CCDC149: variants seen among roughly 807,000 people sequenced by gnomAD.
CCDC149 encodes the protein coiled-coil domain-containing protein 149.
In CCDC149, 45 loss-of-function variants were observed where a neutral mutation model predicts 59.9. The ratio of observed to expected loss-of-function variants is 0.75; its 90% CI spans 0.59 to 0.96. The LOEUF (loss-of-function observed/expected upper bound fraction) is 0.96, where lower values mean the gene tolerates loss of function less well. CCDC149 is among the 40% of genes least tolerant of loss of function. The pLI is 0.00. For missense variants in CCDC149, 584 were observed against 664.7 expected, an observed-to-expected ratio of 0.88 and a Z score of 1.33; for synonymous variants, 245 against 260.6, an observed-to-expected ratio of 0.94 and a Z score of 0.58.
At chr4:24,903,800 C>CT (rs11344947) in intron 1 of CCDC149, among the ~76,000 whole-genome samples, 77 of 124,472 alleles carry the variant, frequency 6.2e-4, no homozygotes, top group South Asian at 5.7e-3. Flanking sequence ...TAATTTTTAG[C>CT]TTTTTTTTTT....
chr4:24,821,184 G>A (rs1715367198), intron 10 of CCDC149, 97 bp from the exon 11 acceptor site: 4 of 595,740 alleles, frequency 6.7e-6, no homozygotes, highest in Non-Finnish European at 9.8e-6. Context: ...AAAATTCTCG[G>A]CATTTGTTCA....
At chr4:24,975,015 C>T (rs1724113963) in intron 1 of CCDC149, among the ~76,000 whole-genome samples, 1 of 152,022 alleles carries the variant, frequency 6.6e-6, no homozygotes, top group Non-Finnish European at 1.5e-5. Flanking sequence ...GTGAGGTTTC[C>T]TTCTTTGTTA....
At chr4:24,833,339 T>C (rs1716283903) in intron 8 of CCDC149, among the ~76,000 whole-genome samples, 1 of 152,174 alleles carries the variant, frequency 6.6e-6, no homozygotes, top group Non-Finnish European at 1.5e-5. Context: ...TACAGAATTA[T>C]TTGGCCAGGT....
intron 1 of CCDC149, among the ~76,000 whole-genome samples, chr4:24,960,613 A>G (rs1723611345): frequency 1.3e-5 from 2 of 152,246 alleles, no homozygotes; most frequent in African/African-American, 4.8e-5. Context: ...GACTATACGA[A>G]TATCACATAA....
chr4:24,816,790 C>A (rs1715040123), intron 12 of CCDC149, among the ~76,000 whole-genome samples: 1 of 152,080 alleles, frequency 6.6e-6, no homozygotes, highest in African/African-American at 2.4e-5. Context: ...AAAAATATTT[C>A]CTCTAAAAGA....
chr4:24,804,046 C>A (rs1714003965), downstream of CCDC149, among the ~76,000 whole-genome samples: 2 of 152,164 alleles, frequency 1.3e-5, no homozygotes, highest in Non-Finnish European at 2.9e-5. Flanking sequence ...AAAGAAGGGA[C>A]TACATTAAAG....
chr4:24,880,290 G>A (rs546635462), intron 1 of CCDC149, among the ~76,000 whole-genome samples: 74 of 152,360 alleles, frequency 4.9e-4, no homozygotes, highest in African/African-American at 1.7e-3. Context: ...GCAACAGGCT[G>A]TACCACATAC....
chr4:24,959,648 C>T (rs192436669), intron 1 of CCDC149, among the ~76,000 whole-genome samples: 1 of 152,200 alleles, frequency 6.6e-6, no homozygotes, highest in African/African-American at 2.4e-5. Flanking sequence ...ATCCTAAAAG[C>T]AGCCAGAGAG....
At chr4:24,894,977 A>G in intron 1 of CCDC149, 1 of 1,536,144 alleles carries the variant, frequency 6.5e-7, no homozygotes, top group Non-Finnish European at 8.7e-7. Context: ...CCATGCAGGC[A>G]TGGTTTGTCA....
chr4:24,819,715 A>G (rs1227684816), intron 12 of CCDC149, 144 bp downstream of exon 12: 2 of 708,224 alleles, frequency 2.8e-6, no homozygotes, highest in Non-Finnish European at 5.1e-6. Flanking sequence ...AACCCACATA[A>G]GCAACAAGAG....
chr4:24,877,898 T>C (rs1054894698), intron 1 of CCDC149, among the ~76,000 whole-genome samples: 1 of 152,172 alleles, frequency 6.6e-6, no homozygotes, highest in Non-Finnish European at 1.5e-5. Flanking sequence ...TATTGCACCG[T>C]CTAGTATTAT....
At chr4:24,817,240 T>C (rs1053046577) in intron 12 of CCDC149, among the ~76,000 whole-genome samples, 2 of 152,104 alleles carry the variant, frequency 1.3e-5, no homozygotes, top group South Asian at 2.1e-4. Context: ...CATGTGGACA[T>C]TGGATCCTGG....
In CCDC149 at chr4:24,841,219, G is replaced by A. The variant is rs559172091; in HGVS notation, c.373-2947C>T. Among the ~76,000 whole-genome samples the A allele has an allele frequency of 4.6e-5, 7 of 152,138 alleles. No individual in the cohort carries two copies. In the East Asian group the frequency reaches 1.4e-3, roughly 29 times the overall value. ...GCTCAGGTCGTGTCTTCAAAAGCAG[G>A]GTATTTTTCTTGGTCTATAAAAAGC... is the stretch of plus-strand genomic sequence containing the variant. On this transcript the variant is annotated intron_variant, in intron 4 of 12. Transcript: ENST00000635206.
chr4:24,841,748 C>A (rs1436890488), intron 4 of CCDC149, among the ~76,000 whole-genome samples: 9 of 152,228 alleles, frequency 5.9e-5, no homozygotes, highest in Admixed American at 5.9e-4. Context: ...CAGGACTTGT[C>A]TGAACTTCTT....
chr4:24,867,427 G>C (rs1284176256), intron 3 of CCDC149, among the ~76,000 whole-genome samples: 2 of 152,216 alleles, frequency 1.3e-5, no homozygotes, highest in Non-Finnish European at 2.9e-5. Flanking sequence ...ATACCTCCCA[G>C]TGTGACCTCA....
chr4:24,851,596 T>C (rs1717661585), intron 4 of CCDC149, among the ~76,000 whole-genome samples: 1 of 151,968 alleles, frequency 6.6e-6, no homozygotes, highest in Non-Finnish European at 1.5e-5. Context: ...ATAGAAAAAA[T>C]ATGTTATCAG....
chr4:24,844,373 A>G (rs1717134897), intron 4 of CCDC149, among the ~76,000 whole-genome samples: 2 of 152,148 alleles, frequency 1.3e-5, no homozygotes, highest in African/African-American at 4.8e-5. Context: ...TCCTCTTTAC[A>G]GTAGCGAGAA....
intron 1 of CCDC149, among the ~76,000 whole-genome samples, chr4:24,949,762 G>A (rs1340735551): frequency 6.6e-6 from 1 of 152,214 alleles, no homozygotes; most frequent in Non-Finnish European, 1.5e-5. Flanking sequence ...AGCAAGAACA[G>A]TGCATTGTGG....
At chr4:24,958,610 C>T (rs573180432) in intron 1 of CCDC149, among the ~76,000 whole-genome samples, 1 of 152,192 alleles carries the variant, frequency 6.6e-6, no homozygotes, top group South Asian at 2.1e-4. Flanking sequence ...ACTCTAACTT[C>T]CAGAGATTAA....
Sources: allele counts gnomAD v4.1 joint callset (sites outside exome capture counted in the v4.1 genomes callset), GRCh38; gene constraint gnomAD v4.1.1; transcripts MANE v1.5; gene names NCBI Gene and HGNC (gene_info 2026-07-23, HGNC 2026-07-21).